Variants in CCDC69 observed in about 807,000 individuals in gnomAD.
The protein encoded by CCDC69 is coiled-coil domain-containing protein 69.
Under a neutral mutation model 40.3 loss-of-function variants are expected in CCDC69, and 38 were observed. The observed-to-expected ratio is 0.94, with a 90% confidence interval of 0.73 to 1.24. The LOEUF is 1.24. Ranked by LOEUF, CCDC69 falls within the 50% of genes most tolerant of loss-of-function variation. The pLI is 0.00. For synonymous variants in CCDC69, 141 were observed against 138.9 expected (o/e 1.02, Z -0.11); for missense variants, 389 against 357.9 (o/e 1.09, Z -0.70).
At chr5:151,199,436 C>A (rs757348860) in intron 3 of CCDC69, among the ~76,000 whole-genome samples, 39 of 152,088 alleles carry the variant, frequency 2.6e-4, no homozygotes, top group Non-Finnish European at 4.7e-4. Flanking sequence ...CCATCAGGTC[C>A]CAGATCTGCC....
At chr5:151,194,569 T>C (rs957757090) in intron 4 of CCDC69, among the ~76,000 whole-genome samples, 2 of 152,134 alleles carry the variant, frequency 1.3e-5, no homozygotes, top group African/African-American at 2.4e-5. Flanking sequence ...ATAAAACTGT[T>C]GTGTATCCTG....
chr5:151,187,343 CACTT>C, intron 5 of CCDC69, 39 bp downstream of exon 5: 2 of 1,573,224 alleles, frequency 1.3e-6, no homozygotes, highest in Middle Eastern at 3.7e-4. Context: ...CATTGGTCCT[CACTT>C]ACCCTTATCC....
At chr5:151,186,225 A>G (rs1582038389) in intron 5 of CCDC69, 101 bp from the exon 6 acceptor site, 2 of 809,252 alleles carry the variant, frequency 2.5e-6, no homozygotes, top group East Asian at 2.4e-5. Context: ...GGGTTCTTCA[A>G]TCTGTCTTTG....
chr5:151,202,704 G>C (rs1420356872), intron 2 of CCDC69, among the ~76,000 whole-genome samples: 3 of 152,160 alleles, frequency 2.0e-5, no homozygotes, highest in Admixed American at 6.5e-5. Flanking sequence ...TGCTACTTGA[G>C]AGCAGGAAGG....
chr5:151,211,108 C>T (rs1438796231), intron 1 of CCDC69: 1 of 152,280 alleles, frequency 6.6e-6, no homozygotes, highest in Admixed American at 6.5e-5. Flanking sequence ...GCCCCCAACA[C>T]AGGCATCTGT....
chr5:151,205,969 T>G (rs1752848682), intron 1 of CCDC69, among the ~76,000 whole-genome samples: 1 of 152,178 alleles, frequency 6.6e-6, no homozygotes, highest in Admixed American at 6.5e-5. Flanking sequence ...TCTGTGTGTG[T>G]GGGAGGGGCT....
At chr5:151,187,507 G>T in intron 4 of CCDC69, 48 bp from the exon 5 acceptor site, 4 of 1,474,142 alleles carry the variant, frequency 2.7e-6, no homozygotes, top group Non-Finnish European at 3.7e-6. Flanking sequence ...TCTCCCCAAA[G>T]CCTTCTGCAG....
chr5:151,223,902 T>G (rs1171409513), intron 1 of CCDC69, 21 bp downstream of exon 1: 3 of 1,589,924 alleles, frequency 1.9e-6, no homozygotes, highest in Non-Finnish European at 1.7e-6. Context: ...GAAAGCAAAC[T>G]TCTCCGCCGG....
intron 1 of CCDC69, chr5:151,213,017 T>G: frequency 2.5e-6 from 1 of 396,302 alleles, no homozygotes; most frequent in Non-Finnish European, 5.1e-6. Flanking sequence ...TTTAGAACCC[T>G]GAACTCTAAC....
intron 2 of CCDC69, among the ~76,000 whole-genome samples, chr5:151,202,185 A>G (rs1752784498): frequency 1.1e-5 from 1 of 94,152 alleles, no homozygotes; most frequent in Non-Finnish European, 2.1e-5. Flanking sequence ...GTGAGACCCT[A>G]TCTCTAAAAA....
chr5:151,193,705 AGACAT>A (rs1161252866), intron 4 of CCDC69, among the ~76,000 whole-genome samples: 4 of 152,222 alleles, frequency 2.6e-5, no homozygotes, highest in African/African-American at 9.6e-5. Flanking sequence ...AAGAGTTCAC[AGACAT>A]GACATAAGAA....
intron 4 of CCDC69, among the ~76,000 whole-genome samples, chr5:151,195,523 A>G (rs1481528537): frequency 2.6e-5 from 4 of 152,120 alleles, no homozygotes; most frequent in Non-Finnish European, 5.9e-5. Flanking sequence ...ATTCGGGACC[A>G]GCCTGGCCAA....
intron 1 of CCDC69, among the ~76,000 whole-genome samples, chr5:151,222,857 T>G (rs1447861397): frequency 6.6e-6 from 1 of 151,898 alleles, no homozygotes; most frequent in Non-Finnish European, 1.5e-5. Context: ...GAGAAGGGAG[T>G]AGAATCCTCC....
chr5:151,185,158 C>T, intron 7 of CCDC69: 1 of 357,644 alleles, frequency 2.8e-6, no homozygotes, highest in East Asian at 6.4e-5. Context: ...CTCCCGTGTT[C>T]TCAATGCTAC....
chr5:151,184,632 C>T (rs1006386480), intron 7 of CCDC69, 191 bp from the exon 8 acceptor site: 1 of 513,000 alleles, frequency 1.9e-6, no homozygotes. Context: ...GGCTTTTTGC[C>T]ACAGGAGAAT....
At chr5:151,204,602 C>T (rs1297315146) in intron 2 of CCDC69, among the ~76,000 whole-genome samples, 3 of 152,186 alleles carry the variant, frequency 2.0e-5, no homozygotes, top group African/African-American at 7.2e-5. Context: ...AAACAAGGCT[C>T]ATCTTTCTTC....
chr5:151,202,211 A>G (rs1053378218), intron 2 of CCDC69, among the ~76,000 whole-genome samples: 1 of 151,516 alleles, frequency 6.6e-6, no homozygotes, highest in African/African-American at 2.4e-5. Context: ...AAAAAAAAAA[A>G]AAAGCTGGGC....
chr5:151,217,710 A>T (rs780477473), intron 1 of CCDC69, among the ~76,000 whole-genome samples: 1 of 152,030 alleles, frequency 6.6e-6, no homozygotes, highest in Non-Finnish European at 1.5e-5. Context: ...TCTGTGTCCA[A>T]ATTTCCCTCT....
chr5:151,183,612 T>C lies in CCDC69; in HGVS notation c.716A>G (p.Gln239Arg). The C allele has an allele frequency of 6.2e-7, 1 of 1,606,516 alleles. No homozygotes were observed. The highest frequency in any genetic ancestry group is 1.7e-5 in the Admixed American group (1 of 59,474). The change falls in exon 9 of 9, where the codon CAG (glutamine) becomes CGG (arginine). Residue 239 changes from glutamine (Q) to arginine (R), a missense_variant and splice_region_variant. Coordinates refer to ENST00000355417, the MANE Select transcript of CCDC69 (RefSeq NM_015621.3). Reference protein sequence around the residue: ...RSRNQVVLSRQLSEDLLLTRE... With the variant: ...RSRNQVVLSRRLSEDLLLTRE... ...CGTGAGAAGCAGGTCTTCTGACAGCTGCCTGTGGATGCACACAGAGCCCAG... is the reference window on the plus strand; with the variant it reads ...CGTGAGAAGCAGGTCTTCTGACAGCCGCCTGTGGATGCACACAGAGCCCAG...
Sources: gnomAD v4.1 joint callset for allele counts (sites outside exome capture counted in the v4.1 genomes callset) on GRCh38, gnomAD v4.1.1 for gene constraint, MANE v1.5 for transcripts, NCBI Gene and HGNC (gene_info 2026-07-23, HGNC 2026-07-21) for gene names.